Variants in GRIP2 observed in about 807,000 individuals in gnomAD.
GRIP2 encodes glutamate receptor-interacting protein 2.
A neutral mutation model predicts 108.3 loss-of-function variants in GRIP2; 58 were observed. That is an observed-to-expected ratio of 0.54 (90% CI 0.43 to 0.67). The LOEUF is 0.67. GRIP2 is among the 30% of genes least tolerant of loss of function. GRIP2 has a pLI of 0.00. For synonymous variants in GRIP2, 586 were observed against 598.2 expected, an observed-to-expected ratio of 0.98 and a Z score of 0.30; for missense variants, 1,278 against 1,430.6, an observed-to-expected ratio of 0.89 and a Z score of 1.72.
Position 14,496,409 on chromosome 3 carries a change from G to C in GRIP2, c.2823+8C>G, listed in dbSNP as rs752909777. 1.1e-5 allele frequency: 17 copies of C among 1,606,588 alleles called. No homozygotes were observed. In the East Asian group the frequency reaches 3.6e-4, roughly 34 times the overall value. ...TCCAGGTCTCCTGTGCTCACCCCCT[G>C]TGCCTACCTTGTGCATCTCCAAGGG... On this transcript the variant is annotated splice_region_variant and intron_variant, in intron 22 of 23. Transcript: ENST00000621039.
chr3:14,572,958 AC>A, the GRIP2 span: 1 of 1,468,766 alleles, frequency 6.8e-7, no homozygotes, highest in Non-Finnish European at 9.5e-7. Context: ...GTAGAAGAGG[AC>A]CACCAGGCCA....
chr3:14,525,494 G>C lies in GRIP2; in HGVS notation c.200C>G (p.Thr67Ser). 1 of 1,613,580 alleles carries C rather than the reference G, an allele frequency of 6.2e-7. No homozygotes were observed. The highest frequency in any genetic ancestry group is 8.5e-7 in the Non-Finnish European group (1 of 1,179,820). Residue 67 changes from threonine to serine, a missense_variant, in exon 3 of 24, where the codon ACC (threonine) becomes AGC (serine). Coordinates refer to ENST00000621039, the MANE Select transcript of GRIP2 (RefSeq NM_001080423.4). The stretch of plus-strand genomic sequence containing the variant: ...GACCCTGGGCTTTCCATCCTTGTCG[G>C]TGCCACCTGAGATAGTCAGGCCCAG... Reference protein sequence around the residue: ...STLGLTISGGTDKDGKPRVSN... With the variant: ...STLGLTISGGSDKDGKPRVSN...
At chr3:14,546,269 G>A (rs537129860), upstream of GRIP2, among the ~76,000 whole-genome samples, 13 of 152,304 alleles carry the variant, frequency 8.5e-5, no homozygotes, top group East Asian at 5.8e-4. Context: ...TGCAGCTAAC[G>A]CACAGAGACA....
rs1701322404 is a variant in GRIP2 at position 14,490,952 on chromosome 3, T to C, written c.*2713A>G. The C allele has an allele frequency of 6.6e-6, 1 of 152,252 alleles. No individual in the cohort carries two copies. The highest frequency in any genetic ancestry group is 2.4e-5 in the African/African-American group (1 of 41,454). 9.4% of individuals were successfully genotyped at this position (152,252 alleles called of 1,614,324 possible). ...CTTGATGCCTTTTGAAATAATTATT[T>C]ATTTGCTTACTTGTTGATTGTCTGC... On this transcript the variant is annotated 3_prime_UTR_variant, in exon 24 of 24. Coordinates refer to ENST00000621039, the MANE Select transcript of GRIP2 (RefSeq NM_001080423.4).
rs1255507506 is a variant in GRIP2 at position 14,521,792 on chromosome 3, A to C, written c.567-5T>G. ...CCCACCTTCAGGGAGCCCTCCCTGTAGGGAAGGGCCAGTCACCAGCCTGGC... is the reference window on the plus strand; with the variant it reads ...CCCACCTTCAGGGAGCCCTCCCTGTCGGGAAGGGCCAGTCACCAGCCTGGC... On this transcript the variant is annotated splice_region_variant and splice_polypyrimidine_tract_variant and intron_variant, in intron 6 of 23. Coordinates refer to ENST00000621039, the MANE Select transcript of GRIP2 (RefSeq NM_001080423.4). This position sits in a 1 kb window ranked among gnomAD's most constrained non-coding sequence, Gnocchi z 5.1. The C allele has an allele frequency of 6.3e-7, 1 of 1,589,200 alleles. No individual in the cohort carries two copies. Among genetic ancestry groups the C allele is most frequent in the African/African-American group, 1.3e-5 (1 of 74,356 alleles).
intron 11 of GRIP2, among the ~76,000 whole-genome samples, 190 bp from the exon 12 acceptor site, chr3:14,514,668 T>C (rs1694200208): frequency 6.6e-6 from 1 of 152,182 alleles, no homozygotes; most frequent in Non-Finnish European, 1.5e-5. Context: ...AATGGGATCG[T>C]TGATTCCCAC....
chr3:14,572,855 G>C, the GRIP2 span: 1 of 1,145,508 alleles, frequency 8.7e-7, no homozygotes, highest in East Asian at 2.4e-5. Context: ...CAGCTCGGTG[G>C]AGCTGAGCAT....
At chr3:14,593,507 G>C in the GRIP2 span, among the ~76,000 whole-genome samples, 160 of 152,360 alleles carry the variant, frequency 1.1e-3, no homozygotes, top group African/African-American at 3.6e-3. Context: ...ACACAAACGA[G>C]TGACACAGTC....
chr3:14,551,135 C>T (rs950589488), intron 1 of GRIP2, among the ~76,000 whole-genome samples: 3 of 152,114 alleles, frequency 2.0e-5, no homozygotes, highest in East Asian at 1.9e-4. Context: ...TGAAGAGTTG[C>T]GGTCAGCCTG....
At chr3:14,502,503 A>AAAGAG (rs1553591688) in intron 21 of GRIP2, among the ~76,000 whole-genome samples, 1 of 151,526 alleles carries the variant, frequency 6.6e-6, no homozygotes, top group African/African-American at 2.4e-5. Flanking sequence ...CAAAAAAAAA[A>AAAGAG]AGAGAGAGAG....
rs1348224766 is a variant in GRIP2, at chr3:14,493,378, C to T, written c.*287G>A. On this transcript the variant is annotated 3_prime_UTR_variant, in exon 24 of 24. Transcript: ENST00000621039. ...GACAGCCCCCAGGCCTCTCTCCTCT[C>T]GGCTGAGCAGCCTGTGCCAACCCTT... 2.5e-5 allele frequency: 10 copies of T among 406,874 alleles called. No homozygotes were observed. Among genetic ancestry groups the T allele is most frequent in the South Asian group, 9.5e-5 (2 of 21,012 alleles). 25.2% of individuals were successfully genotyped at this position (406,874 alleles called of 1,614,324 possible).
At chr3:14,541,552 G>T (rs911157476), upstream of GRIP2, among the ~76,000 whole-genome samples, 1 of 152,218 alleles carries the variant, frequency 6.6e-6, no homozygotes, top group Admixed American at 6.5e-5. Context: ...GCCCCACACT[G>T]GCTCCTGCCA....
At chr3:14,529,846 G>A (rs1286181064) in intron 1 of GRIP2, among the ~76,000 whole-genome samples, 1 of 152,202 alleles carries the variant, frequency 6.6e-6, no homozygotes, top group East Asian at 1.9e-4. Context: ...TGCTTCAACT[G>A]TGGGAATTCT....
chr3:14,500,772 A>T (rs1422318965), intron 21 of GRIP2, among the ~76,000 whole-genome samples: 1 of 152,222 alleles, frequency 6.6e-6, no homozygotes, highest in African/African-American at 2.4e-5. Flanking sequence ...AGCTCAGAAA[A>T]AAAGGGGTAT....
the GRIP2 span, chr3:14,573,206 G>A: frequency 8.5e-6 from 12 of 1,411,068 alleles, no homozygotes; most frequent in African/African-American, 1.4e-5. Flanking sequence ...GGATCTGCCA[G>A]CTCTGGAAGA....
At chr3:14,572,037 T>C in the GRIP2 span, among the ~76,000 whole-genome samples, 4 of 152,298 alleles carry the variant, frequency 2.6e-5, no homozygotes, top group African/African-American at 9.6e-5. Flanking sequence ...TTCTAAAATA[T>C]ATCTCAATAA....
At chr3:14,573,043 A>C in the GRIP2 span, 3 of 1,383,246 alleles carry the variant, frequency 2.2e-6, no homozygotes, top group African/African-American at 4.3e-5. Flanking sequence ...AACTTGCTGA[A>C]GCTGATGTAG....
rs1199246717 is a variant in GRIP2 at position 14,506,876 on chromosome 3, G to A, written c.2323C>T (p.Pro775Ser). The change falls in exon 19 of 24, where the codon CCG (proline) becomes TCG (serine). Residue 775 changes from proline to serine, a missense_variant. By Grantham distance (74) the Pro-to-Ser change is moderately conservative. Coordinates refer to ENST00000621039, the MANE Select transcript of GRIP2 (RefSeq NM_001080423.4). ...GCACTGTCCACACTGGGCACAGCCG[G>A]CGAGAAGCGGGCTGCTGGCAGGCCT... is the stretch of plus-strand genomic sequence containing the variant. ...KGGLPAARFS[P>S]AVPSVDSAVE... The A allele has an allele frequency of 1.2e-6, 2 of 1,606,720 alleles. No homozygotes were observed. Among genetic ancestry groups the A allele is most frequent in the South Asian group, 1.1e-5 (1 of 89,528 alleles).
rs773735291 is a variant in GRIP2, at chr3:14,517,811, G to T, written c.1117C>A (p.Pro373Thr). The T allele has an allele frequency of 6.2e-7, 1 of 1,607,438 alleles. No individual in the cohort carries two copies. Among genetic ancestry groups the T allele is most frequent in the South Asian group, 1.1e-5 (1 of 89,642 alleles). Reference sequence around the variant, plus strand: ...TGGCCAGCAGGTGTGGCCCAGGTGGGCATCCTGCAGTGGCCGGGCCGGGGG... The same window carrying T: ...TGGCCAGCAGGTGTGGCCCAGGTGGTCATCCTGCAGTGGCCGGGCCGGGGG... Reference protein sequence around the residue: ...HSPRPGHCRMPTWATPAGQDQ... With the variant: ...HSPRPGHCRMTTWATPAGQDQ... The change falls in exon 10 of 24, where the codon CCC becomes ACC. Residue 373 changes from proline to threonine, a missense_variant. Pro to Thr is a conservative substitution (Grantham distance 38, BLOSUM62 -1). Transcript: ENST00000621039.
Sources: gnomAD v4.1 joint callset for allele counts (sites outside exome capture counted in the v4.1 genomes callset) on GRCh38, gnomAD v4.1.1 for gene constraint, Gnocchi (gnomAD v3.1) non-coding constraint, MANE v1.5 for transcripts, NCBI Gene and HGNC (gene_info 2026-07-23, HGNC 2026-07-21) for gene names.